The following SCAI variants were observed in gnomAD, a reference collection of about 807,000 sequenced individuals.
SCAI encodes the protein suppressor of cancer cell invasion.
A neutral mutation model predicts 92.2 loss-of-function variants in SCAI; 24 were observed. That is an observed-to-expected ratio of 0.26 (90% confidence interval 0.19 to 0.37). The LOEUF is 0.37. SCAI is among the 10% of genes least tolerant of loss of function. The pLI, the probability that SCAI is intolerant of heterozygous loss-of-function variation, is 1.00. For missense variants in SCAI, 450 were observed against 736.2 expected, an observed-to-expected ratio of 0.61 and a Z score of 4.50; for synonymous variants, 261 against 258.6, an observed-to-expected ratio of 1.01 and a Z score of -0.09.
chr9:125,119,704 T>C (rs1233593179), intron 2 of SCAI, among the ~76,000 whole-genome samples: 1 of 152,168 alleles, frequency 6.6e-6, no homozygotes, highest in African/African-American at 2.4e-5. Context: ...AATCTGCAAT[T>C]TGGGTAGAGT....
chr9:125,018,358 A>C (rs755528586), intron 9 of SCAI, among the ~76,000 whole-genome samples: 5 of 152,222 alleles, frequency 3.3e-5, no homozygotes, highest in South Asian at 2.1e-4. Context: ...GGCTTCCCAA[A>C]GTGCTGAGAT....
rs575809479 is a variant in SCAI at position 125,038,106 on chromosome 9, A to G, written c.231-8367T>C. Among the ~76,000 whole-genome samples the G allele has an allele frequency of 6.6e-5, 10 of 152,178 alleles. 1 individual carries two copies. Among genetic ancestry groups the G allele is most frequent in the African/African-American group, 2.4e-4 (10 of 41,528 alleles). On this transcript the variant is annotated intron_variant, in intron 3 of 17. Transcript: ENST00000336505. ...CCCTGTCTCTACAAAAAAATACACA[A>G]ATTAGCCAGACATGGTGGCACAGGC...
intron 15 of SCAI, chr9:124,974,330 C>T (rs1831715340): frequency 1.3e-5 from 5 of 373,196 alleles, no homozygotes; most frequent in South Asian, 1.0e-4. Context: ...TACCTGTGGT[C>T]CCAGCTACTT....
intron 2 of SCAI, among the ~76,000 whole-genome samples, chr9:125,141,617 A>C (rs1835667557): frequency 6.6e-6 from 1 of 152,262 alleles, no homozygotes; most frequent in African/African-American, 2.4e-5. Context: ...CGAGTTAACT[A>C]CACAGTGTCC....
In SCAI at chr9:124,945,663, G is replaced by A. The variant is rs1205742922; in HGVS notation, c.*7144C>T. The A allele has an allele frequency of 7.2e-5, 11 of 152,112 alleles. No individual in the cohort carries two copies. The allele number at this position is 152,112 out of a possible 1,614,324, so 9.4% of individuals were successfully genotyped here. A position where few individuals can be genotyped will look rare whatever the true frequency, so the allele number is the denominator to read the frequency against. ...TATTAAATTAGTTATACTTAATACA[G>A]TTCTCTTTATCCAATTAAAGGCATA... On this transcript the variant is annotated 3_prime_UTR_variant, in exon 18 of 18. Coordinates refer to ENST00000336505, the MANE Select transcript of SCAI (RefSeq NM_001144877.3).
intron 3 of SCAI, among the ~76,000 whole-genome samples, chr9:125,054,976 A>G (rs1011283690): frequency 1.3e-5 from 2 of 152,210 alleles, no homozygotes; most frequent in African/African-American, 4.8e-5. Flanking sequence ...TATAGGAAAA[A>G]GAGAATGATT....
At chr9:124,964,985 A>C (rs1220488891) in intron 17 of SCAI, among the ~76,000 whole-genome samples, 1 of 148,814 alleles carries the variant, frequency 6.7e-6, no homozygotes, top group Non-Finnish European at 1.5e-5. Flanking sequence ...CTTACTAATA[A>C]ATGTCTTTTG....
chr9:125,099,739 GTC>G (rs1446588933), intron 2 of SCAI, among the ~76,000 whole-genome samples: 1 of 152,148 alleles, frequency 6.6e-6, no homozygotes, highest in African/African-American at 2.4e-5. Flanking sequence ...AAATTCTACT[GTC>G]TCTATGAATT....
chr9:125,125,648 G>A (rs564689197), intron 2 of SCAI, among the ~76,000 whole-genome samples: 82 of 151,854 alleles, frequency 5.4e-4, no homozygotes, highest in Non-Finnish European at 1.1e-3. Context: ...TGGCCAACAT[G>A]ACAAAACCCT....
intron 17 of SCAI, among the ~76,000 whole-genome samples, chr9:124,966,612 C>A (rs568712680): frequency 6.6e-6 from 1 of 151,696 alleles, no homozygotes; most frequent in Non-Finnish European, 1.5e-5. Flanking sequence ...TCATGATATA[C>A]CTTTTTCTTA....
chr9:125,002,919 C>T (rs1233574916), intron 11 of SCAI, among the ~76,000 whole-genome samples, 195 bp downstream of exon 11: 14 of 149,978 alleles, frequency 9.3e-5, no homozygotes, highest in Non-Finnish European at 1.9e-4. Flanking sequence ...TATTTCACAG[C>T]TTACCAGGAG....
At chr9:125,043,582 T>C (rs1425854704) in intron 3 of SCAI, among the ~76,000 whole-genome samples, 1 of 152,184 alleles carries the variant, frequency 6.6e-6, no homozygotes, top group African/African-American at 2.4e-5. Context: ...TGCCTCAGCC[T>C]CCTGAGTAGC....
intron 2 of SCAI, among the ~76,000 whole-genome samples, chr9:125,137,356 A>G (rs1835561238): frequency 6.6e-6 from 1 of 152,196 alleles, no homozygotes; most frequent in Non-Finnish European, 1.5e-5. Flanking sequence ...AAATTCCTGG[A>G]GAATTACTAA....
At chr9:125,120,339 A>G (rs1157991787) in intron 2 of SCAI, among the ~76,000 whole-genome samples, 2 of 152,216 alleles carry the variant, frequency 1.3e-5, no homozygotes, top group Non-Finnish European at 2.9e-5. Context: ...TCTCCTCCCC[A>G]TGATGAAATG....
At chr9:124,989,913 G>T (rs1277325631) in intron 14 of SCAI, among the ~76,000 whole-genome samples, 1 of 151,356 alleles carries the variant, frequency 6.6e-6, no homozygotes, top group Non-Finnish European at 1.5e-5. Flanking sequence ...GATGGCTCAC[G>T]CCTGTAATCC....
intron 6 of SCAI, among the ~76,000 whole-genome samples, chr9:125,023,076 A>G (rs1832902578): frequency 6.6e-6 from 1 of 152,190 alleles, no homozygotes; most frequent in Admixed American, 6.5e-5. Context: ...TATTATTGTT[A>G]TCTAGATTTG....
intron 2 of SCAI, among the ~76,000 whole-genome samples, chr9:125,110,933 G>A (rs1243673093): frequency 3.3e-5 from 5 of 152,178 alleles, no homozygotes; most frequent in Non-Finnish European, 7.3e-5. Flanking sequence ...CTGTGGAACC[G>A]TGAACCAATT....
At chr9:124,970,196 T>C (rs1266179941) in intron 17 of SCAI, among the ~76,000 whole-genome samples, 1 of 152,068 alleles carries the variant, frequency 6.6e-6, no homozygotes. Flanking sequence ...AACCCAAATG[T>C]CCATTATCAG....
chr9:125,002,499 T>TTTTTTTTTTTTTTTTTAAAA (rs1554779235), intron 11 of SCAI, among the ~76,000 whole-genome samples: 3 of 147,324 alleles, frequency 2.0e-5, no homozygotes, highest in African/African-American at 2.6e-5. Flanking sequence ...TTTTTTTTTT[T>TTTTTTTTTTTTTTTTTAAAA]GAAACAGAGT....
Sources: gnomAD v4.1 joint callset for allele counts (sites outside exome capture counted in the v4.1 genomes callset) on GRCh38, gnomAD v4.1.1 for gene constraint, MANE v1.5 for transcripts, NCBI Gene and HGNC (gene_info 2026-07-23, HGNC 2026-07-21) for gene names.